Variants in TEX9 observed in about 807,000 individuals in gnomAD.
TEX9 encodes the protein testis expressed 9, also known as testis-expressed protein 9.
TEX9 carries 74 observed loss-of-function variants against 59.6 expected under a neutral mutation model. The observed-to-expected ratio is 1.24, with a 90% CI of 1.03 to 1.51. TEX9 has a LOEUF of 1.51. Among genes scored for constraint, TEX9 ranks in the 40% most tolerant of loss-of-function variants. TEX9 has a pLI of 0.00. For missense variants in TEX9, 522 were observed against 447.8 expected, an observed-to-expected ratio of 1.17 and a Z score of -1.49; for synonymous variants, 186 against 152.2, an observed-to-expected ratio of 1.22 and a Z score of -1.64.
intron 12 of TEX9, chr15:56,428,852 G>A (rs1228782709): frequency 2.3e-6 from 1 of 426,486 alleles, no homozygotes; most frequent in African/African-American, 2.1e-5. Context: ...ACTGTCTTGA[G>A]GATGGGGATG....
chr15:56,376,416 TATTGCCTG>T (rs1225606956), intron 3 of TEX9, among the ~76,000 whole-genome samples: 6 of 152,120 alleles, frequency 3.9e-5, no homozygotes, highest in African/African-American at 1.4e-4. Flanking sequence ...CAGCATTTGT[TATTGCCTG>T]ATTGCCTGTC....
intron 1 of TEX9, among the ~76,000 whole-genome samples, chr15:56,252,883 T>C (rs1280963646): frequency 6.6e-6 from 1 of 152,142 alleles, no homozygotes; most frequent in Non-Finnish European, 1.5e-5. Context: ...CTTCACTCAG[T>C]TGTACTGATA....
chr15:56,363,856 T>C (rs1437885326), upstream of TEX9, among the ~76,000 whole-genome samples: 1 of 150,856 alleles, frequency 6.6e-6, no homozygotes, highest in Non-Finnish European at 1.5e-5. Context: ...TTTCCTTTTT[T>C]TTTTTTTGTA....
the TEX9 span, among the ~76,000 whole-genome samples, chr15:56,460,009 A>AAAATATATATAT: frequency 7.6e-5 from 2 of 26,388 alleles, 1 homozygote; most frequent in Non-Finnish European, 1.4e-4. Context: ...AAAAAAAAAA[A>AAAATATATATAT]ATACATATAT....
At chr15:56,389,374 A>C in exon 6 of TEX9, 1 of 1,610,838 alleles carries the variant, frequency 6.2e-7, no homozygotes, top group Non-Finnish European at 8.5e-7. Context: ...TACACTCTGC[A>C]AATAAAGGAA....
chr15:56,308,093 A>T (rs776737412), intron 1 of TEX9, among the ~76,000 whole-genome samples: 4 of 152,216 alleles, frequency 2.6e-5, no homozygotes, highest in Non-Finnish European at 5.9e-5. Context: ...GTATATATCT[A>T]GGAGTGAAAA....
At chr15:56,434,939 A>G (rs1392151873) in intron 12 of TEX9, among the ~76,000 whole-genome samples, 3 of 152,096 alleles carry the variant, frequency 2.0e-5, no homozygotes, top group Non-Finnish European at 4.4e-5. Context: ...ATTCAAATAT[A>G]GTTGGAACAG....
At chr15:56,330,552 T>G (rs1404462635) in intron 1 of TEX9, among the ~76,000 whole-genome samples, 2 of 152,180 alleles carry the variant, frequency 1.3e-5, no homozygotes, top group Non-Finnish European at 2.9e-5. Flanking sequence ...AGAAATTTTA[T>G]TAGTTTTCTT....
chr15:56,374,968 C>T (rs1355514360), intron 3 of TEX9, among the ~76,000 whole-genome samples: 2 of 152,138 alleles, frequency 1.3e-5, no homozygotes, highest in African/African-American at 4.8e-5. Context: ...ACTTTGGTTG[C>T]TTCCAGATCT....
chr15:56,418,482 T>TC (rs1369828391), intron 10 of TEX9, among the ~76,000 whole-genome samples: 1 of 151,294 alleles, frequency 6.6e-6, no homozygotes, highest in African/African-American at 2.4e-5. Flanking sequence ...TTTTTTTTTT[T>TC]CTTTAAGAAT....
At chr15:56,432,024 G>C (rs1190372546) in intron 12 of TEX9, among the ~76,000 whole-genome samples, 1 of 152,068 alleles carries the variant, frequency 6.6e-6, no homozygotes, top group East Asian at 1.9e-4. Context: ...CTTGAACTAC[G>C]TGAAAGAACA....
At chr15:56,426,586 GGT>G (rs1309609896) in intron 10 of TEX9, among the ~76,000 whole-genome samples, 1 of 6,874 alleles carries the variant, frequency 1.5e-4, no homozygotes, top group African/African-American at 2.7e-4. Context: ...TTTTTGAAAA[GGT>G]GTATATATAT....
At chr15:56,308,458 A>G (rs1378981141) in intron 1 of TEX9, among the ~76,000 whole-genome samples, 1 of 151,906 alleles carries the variant, frequency 6.6e-6, no homozygotes, top group African/African-American at 2.4e-5. Context: ...TGGATATTAG[A>G]CCTTTATCAG....
chr15:56,363,808 G>T (rs12593348), upstream of TEX9, among the ~76,000 whole-genome samples: 8,863 of 151,246 alleles, frequency 0.059, 659 homozygotes, highest in East Asian at 0.37. Context: ...GGGACTACAG[G>T]CATGTACCAC....
intron 1 of TEX9, among the ~76,000 whole-genome samples, chr15:56,359,428 T>C (rs1243925534): frequency 6.6e-6 from 1 of 152,174 alleles, no homozygotes; most frequent in Non-Finnish European, 1.5e-5. Flanking sequence ...TAACCATTTC[T>C]AGGCACCTTA....
chr15:56,415,115 C>G (rs1165604392), intron 10 of TEX9, among the ~76,000 whole-genome samples: 1 of 151,514 alleles, frequency 6.6e-6, no homozygotes, highest in East Asian at 1.9e-4. Context: ...GTTTAAGTTC[C>G]TTATAGAAGC....
chr15:56,372,123 T>G (rs2047217042), intron 2 of TEX9, among the ~76,000 whole-genome samples: 1 of 151,772 alleles, frequency 6.6e-6, no homozygotes, highest in Non-Finnish European at 1.5e-5. Context: ...TCAGTCATCT[T>G]GGTCCACTAT....
chr15:56,254,793 A>G (rs2044105953), intron 1 of TEX9, among the ~76,000 whole-genome samples: 2 of 150,742 alleles, frequency 1.3e-5, no homozygotes, highest in South Asian at 4.1e-4. Context: ...TAAAATATAT[A>G]CTTATAAATA....
chr15:56,395,119 C>A (rs185192291), intron 9 of TEX9: 4 of 393,400 alleles, frequency 1.0e-5, no homozygotes, highest in Admixed American at 8.6e-5. Context: ...AGCCACCACA[C>A]CCTGACCCTG....
Sources: allele counts gnomAD v4.1 joint callset (sites outside exome capture counted in the v4.1 genomes callset), GRCh38; gene constraint gnomAD v4.1.1; transcripts MANE v1.5; gene names NCBI Gene and HGNC (gene_info 2026-07-23, HGNC 2026-07-21).